TTC39B: variants seen among roughly 807,000 people sequenced by gnomAD.
TTC39B encodes tetratricopeptide repeat domain 39B, also known as tetratricopeptide repeat protein 39B.
In TTC39B, 92 loss-of-function variants were observed where a neutral mutation model predicts 96.6. That is an observed-to-expected ratio of 0.95 (90% CI 0.80 to 1.13). TTC39B has a LOEUF of 1.13. TTC39B is among the 50% of genes most tolerant of loss of function. The pLI is 0.00. For missense variants in TTC39B, 955 were observed against 809.3 expected (o/e 1.18, Z -2.18); for synonymous variants, 367 against 299.4 (o/e 1.23, Z -2.33).
At chr9:15,264,654 T>TAAAAA (rs546870324) in intron 2 of TTC39B, among the ~76,000 whole-genome samples, 1 of 118,092 alleles carries the variant, frequency 8.5e-6, no homozygotes, top group African/African-American at 3.3e-5. Flanking sequence ...GACTCTGTCT[T>TAAAAA]AAAAAAAAAA....
chr9:15,283,598 A>C (rs1823849712), intron 1 of TTC39B, among the ~76,000 whole-genome samples: 1 of 152,226 alleles, frequency 6.6e-6, no homozygotes, highest in Non-Finnish European at 1.5e-5. Flanking sequence ...CCTGACAAGT[A>C]GTTCTAAAGT....
intron 1 of TTC39B, among the ~76,000 whole-genome samples, chr9:15,285,273 A>G (rs1007483303): frequency 7.2e-6 from 1 of 139,812 alleles, no homozygotes; most frequent in Non-Finnish European, 1.6e-5. Context: ...CGTCTCAAAA[A>G]GAAAAAAAAA....
exon 20 of TTC39B, chr9:15,169,256 T>G (rs1817584806): frequency 6.6e-6 from 1 of 152,228 alleles, no homozygotes; most frequent in South Asian, 2.1e-4. Context: ...AATTTTCCTA[T>G]ATAACTTGGA....
intron 15 of TTC39B, 88 bp from the exon 16 acceptor site, chr9:15,185,494 G>T: frequency 6.4e-7 from 1 of 1,568,978 alleles, no homozygotes; most frequent in South Asian, 1.2e-5. Flanking sequence ...GAACTTCACA[G>T]ACCACCAGCA....
chr9:15,226,342 A>C (rs1184426043), intron 2 of TTC39B, among the ~76,000 whole-genome samples: 2 of 152,236 alleles, frequency 1.3e-5, no homozygotes, highest in African/African-American at 2.4e-5. Flanking sequence ...TATTTTAATA[A>C]AACTTTATTA....
chr9:15,305,019 T>G (rs1054087102), intron 1 of TTC39B, among the ~76,000 whole-genome samples: 1 of 152,022 alleles, frequency 6.6e-6, no homozygotes, highest in African/African-American at 2.4e-5. Flanking sequence ...CAATATCAAA[T>G]AAAGACTATC....
exon 20 of TTC39B, chr9:15,165,744 A>G (rs1817506189): frequency 6.6e-6 from 1 of 152,208 alleles, no homozygotes; most frequent in Admixed American, 6.5e-5. Context: ...CTCAATCACT[A>G]TCATGAGAAT....
chr9:15,291,381 G>A (rs1050188885), intron 1 of TTC39B, among the ~76,000 whole-genome samples: 1 of 152,200 alleles, frequency 6.6e-6, no homozygotes, highest in Non-Finnish European at 1.5e-5. Flanking sequence ...CTCTTTGCCT[G>A]CTGCCATGCA....
intron 2 of TTC39B, among the ~76,000 whole-genome samples, chr9:15,250,471 G>A (rs540092916): frequency 1.3e-4 from 19 of 151,338 alleles, no homozygotes; most frequent in Admixed American, 4.6e-4. Context: ...TGTTATTGCC[G>A]ACTGAGACGC....
intron 6 of TTC39B, among the ~76,000 whole-genome samples, chr9:15,206,943 G>A (rs1018772321): frequency 2.0e-5 from 3 of 152,102 alleles, no homozygotes; most frequent in Non-Finnish European, 1.5e-5. Context: ...GGATCATGGG[G>A]GTGGTTTCTC....
At chr9:15,177,652 G>A (rs1391537245) in intron 18 of TTC39B, 45 bp downstream of exon 18, 2 of 1,368,998 alleles carry the variant, frequency 1.5e-6, no homozygotes, top group Non-Finnish European at 1.0e-6. Flanking sequence ...CAATTCCCCA[G>A]AAACCACAAT....
intron 7 of TTC39B, among the ~76,000 whole-genome samples, chr9:15,203,305 C>T (rs1308355354): frequency 4.6e-5 from 7 of 152,178 alleles, no homozygotes; most frequent in Non-Finnish European, 1.0e-4. Context: ...AGGTGAAGTG[C>T]AGTGGTAGGA....
chr9:15,197,906 A>C (rs913717532), intron 8 of TTC39B, among the ~76,000 whole-genome samples: 2 of 152,232 alleles, frequency 1.3e-5, no homozygotes, highest in Non-Finnish European at 2.9e-5. Context: ...AAGCTTGAAA[A>C]GAAAAAGTAA....
intron 1 of TTC39B, among the ~76,000 whole-genome samples, chr9:15,282,124 G>C (rs1249160989): frequency 6.6e-6 from 1 of 152,114 alleles, no homozygotes; most frequent in Non-Finnish European, 1.5e-5. Context: ...TAAGTAAAAT[G>C]CTGACATTTT....
At chr9:15,227,287 G>A (rs1258281931) in intron 2 of TTC39B, among the ~76,000 whole-genome samples, 3 of 148,740 alleles carry the variant, frequency 2.0e-5, no homozygotes, top group African/African-American at 7.5e-5. Flanking sequence ...CAGCCTGGGC[G>A]ACAAGAGCAA....
At chr9:15,164,301 A>C (rs1817480867) in exon 20 of TTC39B, 1 of 152,258 alleles carries the variant, frequency 6.6e-6, no homozygotes, top group South Asian at 2.1e-4. Flanking sequence ...TATAAAGTAC[A>C]TACAGGTAGC....
At chr9:15,198,860 T>C (rs1385057227) in intron 8 of TTC39B, among the ~76,000 whole-genome samples, 1 of 152,140 alleles carries the variant, frequency 6.6e-6, no homozygotes, top group Non-Finnish European at 1.5e-5. Flanking sequence ...ATATATCCCA[T>C]GCAAAGACTA....
In TTC39B at chr9:15,220,598, T is replaced by C. The variant is rs1466996101; in HGVS notation, c.371+5319A>G. ...ATACATAATGCAATAAAAGGAATGA[T>C]ATAAATATTACATCTAAGAAAGAAT... On this transcript the variant is annotated intron_variant, in intron 3 of 19. Transcript: ENST00000512701. 5.3e-5 allele frequency among the ~76,000 whole-genome samples: 8 copies of C among 151,940 alleles called. No homozygotes were observed. In the South Asian group the frequency reaches 8.3e-4, roughly 16 times the overall value.
intron 2 of TTC39B, among the ~76,000 whole-genome samples, chr9:15,237,655 GA>G (rs35743064): frequency 0.49 from 67,559 of 138,700 alleles, 16,573 homozygotes; most frequent in East Asian, 0.72. Flanking sequence ...AAATCTTCTG[GA>G]AAAAAAAAAA....
Sources: allele counts gnomAD v4.1 joint callset (sites outside exome capture counted in the v4.1 genomes callset), GRCh38; gene constraint gnomAD v4.1.1; transcripts MANE v1.5; gene names NCBI Gene and HGNC (gene_info 2026-07-23, HGNC 2026-07-21).